The following TMEM132C variants were observed in gnomAD, a reference collection of about 807,000 sequenced individuals.
TMEM132C encodes the protein protein phosphatase 1, regulatory subunit 152.
Under a neutral mutation model 61.4 loss-of-function variants are expected in TMEM132C, and 29 were observed. That is an observed-to-expected ratio of 0.47 (90% CI 0.35 to 0.64). The LOEUF (loss-of-function observed/expected upper bound fraction) is 0.64. TMEM132C is among the 30% of genes least tolerant of loss of function. The probability of loss-of-function intolerance (pLI) is 0.00; values close to 1 mark genes in which losing one functional copy is unlikely to be tolerated. For synonymous variants in TMEM132C, 656 were observed against 633.1 expected (o/e 1.04, Z -0.54); for missense variants, 1,408 against 1,476.9 (o/e 0.95, Z 0.76).
chr12:128,607,869 C>T (rs1876482572), intron 3 of TMEM132C, among the ~76,000 whole-genome samples: 2 of 152,164 alleles, frequency 1.3e-5, no homozygotes, highest in Admixed American at 6.5e-5. Flanking sequence ...TGTCTCAAGG[C>T]TAGTAAATAA....
At chr12:128,654,175 T>G (rs1284622813) in intron 4 of TMEM132C, among the ~76,000 whole-genome samples, 1 of 152,118 alleles carries the variant, frequency 6.6e-6, no homozygotes, top group Non-Finnish European at 1.5e-5. Context: ...CAGATACCAT[T>G]GGGTTAAGAT....
chr12:128,664,607 G>T (rs146924826), intron 4 of TMEM132C, among the ~76,000 whole-genome samples: 167 of 152,334 alleles, frequency 1.1e-3, no homozygotes, highest in African/African-American at 3.8e-3. Context: ...ACTGGGGTCG[G>T]CAGGAATTGT....
chr12:128,417,057 C>T (rs1868806494), intron 2 of TMEM132C, among the ~76,000 whole-genome samples: 1 of 152,056 alleles, frequency 6.6e-6, no homozygotes, highest in Non-Finnish European at 1.5e-5. Context: ...GACTGAGGAG[C>T]CGGGAGAGTC....
intron 2 of TMEM132C, among the ~76,000 whole-genome samples, chr12:128,508,475 G>A (rs1872456040): frequency 6.6e-6 from 1 of 152,198 alleles, no homozygotes. Context: ...AATGATAGAT[G>A]CAGGGAGGCG....
chr12:128,335,837 C>T (rs943879822), intron 1 of TMEM132C, among the ~76,000 whole-genome samples: 1 of 152,166 alleles, frequency 6.6e-6, no homozygotes, highest in African/African-American at 2.4e-5. Flanking sequence ...GAACCCAGGA[C>T]AAATGGAGAA....
chr12:128,703,718 C>T (rs1954818242), intron 8 of TMEM132C, among the ~76,000 whole-genome samples: 1 of 152,188 alleles, frequency 6.6e-6, no homozygotes. Flanking sequence ...GTGAATAGTG[C>T]TGCGATGAAC....
intron 2 of TMEM132C, among the ~76,000 whole-genome samples, chr12:128,540,993 C>CTCTGTCTGTCTG (rs148028994): frequency 6.6e-6 from 1 of 150,584 alleles, no homozygotes; most frequent in African/African-American, 2.4e-5. Flanking sequence ...GTCTGTATGT[C>CTCTGTCTGTCTG]TCTGTCTGTC....
chr12:128,628,392 A>G (rs959552671), intron 4 of TMEM132C, among the ~76,000 whole-genome samples: 5 of 152,094 alleles, frequency 3.3e-5, no homozygotes, highest in Non-Finnish European at 5.9e-5. Context: ...TTCCTGTACC[A>G]GGAGCCTCTT....
chr12:128,686,235 G>T (rs1954675930), intron 5 of TMEM132C, among the ~76,000 whole-genome samples: 1 of 152,182 alleles, frequency 6.6e-6, no homozygotes, highest in African/African-American at 2.4e-5. Context: ...AGTGTTCAGT[G>T]ACCCAGATAC....
chr12:128,490,398 C>T (rs1871675903), intron 2 of TMEM132C, among the ~76,000 whole-genome samples: 1 of 152,110 alleles, frequency 6.6e-6, no homozygotes, highest in South Asian at 2.1e-4. Flanking sequence ...GGCTCCCAGA[C>T]AATGTGAAGC....
intron 2 of TMEM132C, among the ~76,000 whole-genome samples, chr12:128,528,921 C>T (rs910217808): frequency 3.3e-5 from 5 of 152,172 alleles, no homozygotes; most frequent in African/African-American, 9.7e-5. Flanking sequence ...GGAAAAGTTA[C>T]TGTCAACTGC....
intron 5 of TMEM132C, among the ~76,000 whole-genome samples, chr12:128,675,336 T>G (rs2135635287): frequency 6.6e-6 from 1 of 152,284 alleles, no homozygotes; most frequent in East Asian, 1.9e-4. Flanking sequence ...TTCTGTCTTA[T>G]AGTAGAAAAA....
At chr12:128,495,645 G>A (rs947237357) in intron 2 of TMEM132C, among the ~76,000 whole-genome samples, 6 of 152,088 alleles carry the variant, frequency 3.9e-5, no homozygotes, top group South Asian at 4.2e-4. Flanking sequence ...TCAGAGACTA[G>A]GATTGCAACC....
intron 3 of TMEM132C, among the ~76,000 whole-genome samples, chr12:128,600,079 T>C (rs1346133930): frequency 6.6e-6 from 1 of 152,038 alleles, no homozygotes; most frequent in East Asian, 1.9e-4. Context: ...GCCTCCCGGG[T>C]TCACGCCATT....
chr12:128,449,707 A>G (rs909502084), intron 2 of TMEM132C, among the ~76,000 whole-genome samples: 2 of 152,210 alleles, frequency 1.3e-5, no homozygotes, highest in Non-Finnish European at 2.9e-5. Context: ...ATCATGCTGT[A>G]AAGAATCCCA....
chr12:128,382,879 CTGTG>C (rs1372000992), intron 1 of TMEM132C, among the ~76,000 whole-genome samples: 1 of 151,750 alleles, frequency 6.6e-6, no homozygotes, highest in African/African-American at 2.4e-5. Flanking sequence ...TGTGTTTGTG[CTGTG>C]TGTACCATAT....
At chr12:128,593,889 C>T (rs1252771304) in intron 3 of TMEM132C, among the ~76,000 whole-genome samples, 1 of 152,136 alleles carries the variant, frequency 6.6e-6, no homozygotes, top group African/African-American at 2.4e-5. Flanking sequence ...CCTAAGGCTT[C>T]CTGCTTGCCT....
At chr12:128,361,130 T>C (rs149936693) in intron 1 of TMEM132C, among the ~76,000 whole-genome samples, 1 of 152,358 alleles carries the variant, frequency 6.6e-6, no homozygotes, top group African/African-American at 2.4e-5. Flanking sequence ...TTGAGTTTGA[T>C]GCTCGTTGCT....
At chr12:128,538,195 A>G (rs1418506279) in intron 2 of TMEM132C, among the ~76,000 whole-genome samples, 3 of 152,164 alleles carry the variant, frequency 2.0e-5, no homozygotes, top group Non-Finnish European at 4.4e-5. Context: ...ATCTCAGCTC[A>G]CTGCAACCTC....
Sources: gnomAD v4.1 joint callset for allele counts (sites outside exome capture counted in the v4.1 genomes callset) on GRCh38, gnomAD v4.1.1 for gene constraint, MANE v1.5 for transcripts, NCBI Gene and HGNC (gene_info 2026-07-23, HGNC 2026-07-21) for gene names.